Variants in DGLUCY observed in about 807,000 individuals in gnomAD.
DGLUCY encodes D-glutamate cyclase, mitochondrial.
A neutral mutation model predicts 58.5 loss-of-function variants in DGLUCY; 58 were observed. The ratio of observed to expected loss-of-function variants is 0.99; its 90% CI spans 0.80 to 1.23. The LOEUF is 1.23. Among genes scored for constraint, DGLUCY ranks in the 50% most tolerant of loss-of-function variants. The pLI is 0.00. For missense variants in DGLUCY, 779 were observed against 784.7 expected (o/e 0.99, Z 0.09); for synonymous variants, 325 against 314.1 (o/e 1.03, Z -0.37).
intron 1 of DGLUCY, among the ~76,000 whole-genome samples, chr14:91,099,715 A>G (rs1443009977): frequency 6.6e-6 from 1 of 152,176 alleles, no homozygotes; most frequent in Non-Finnish European, 1.5e-5. Flanking sequence ...ATTTTGGGTC[A>G]GTTGGGCTGA....
intron 1 of DGLUCY, among the ~76,000 whole-genome samples, chr14:91,062,590 TATATATATATATATATATATAA>T (rs1185523021): frequency 0.013 from 328 of 24,704 alleles, 15 homozygotes; most frequent in Middle Eastern, 0.029. Context: ...TATATATATA[TATATATATATATATATATATAA>T]ACAATCCTTA....
intron 1 of DGLUCY, among the ~76,000 whole-genome samples, chr14:91,135,713 C>T (rs1230908376): frequency 6.9e-6 from 1 of 144,376 alleles, no homozygotes; most frequent in African/African-American, 2.6e-5. Context: ...TGTTTTTAAC[C>T]TTGCTAGATG....
chr14:91,093,481 A>C (rs74083947), intron 1 of DGLUCY, among the ~76,000 whole-genome samples: 2,675 of 152,306 alleles, frequency 0.018, 61 homozygotes, highest in African/African-American at 0.056. Context: ...AATATGAATG[A>C]ACCTCAAAAC....
chr14:91,138,132 G>A (rs148202512), intron 1 of DGLUCY, among the ~76,000 whole-genome samples: 2 of 152,058 alleles, frequency 1.3e-5, no homozygotes, highest in Non-Finnish European at 2.9e-5. Context: ...TAAATGTTCT[G>A]GGCACTAAGG....
chr14:91,170,203 T>C lies in DGLUCY; in HGVS notation c.456+2T>C, dbSNP rs776555968. ...CACAGCCAGGCGGGTGCATACAAGG[T>C]AGGGACACAGCCCACAGCCCACAAG... On this transcript the variant is annotated splice_donor_variant, in intron 5 of 13. Transcript: ENST00000256324. LOFTEE classifies it high-confidence loss of function. The C allele has an allele frequency of 1.2e-6, 2 of 1,612,696 alleles. No homozygotes were observed. The highest frequency in any genetic ancestry group is 3.3e-5 in the Admixed American group (2 of 59,962).
At chr14:91,189,797 A>C (rs986481040) in intron 9 of DGLUCY, 2 of 154,248 alleles carry the variant, frequency 1.3e-5, no homozygotes, top group Non-Finnish European at 2.9e-5. Flanking sequence ...CTCAAAATGC[A>C]TTCTTCAGAG....
chr14:91,166,383 G>A (rs950410405), intron 3 of DGLUCY, among the ~76,000 whole-genome samples: 1 of 152,204 alleles, frequency 6.6e-6, no homozygotes, highest in Non-Finnish European at 1.5e-5. Context: ...ATTTACATTA[G>A]GCCAGTTGCG....
At chr14:91,208,748 C>A (rs1326682303) in intron 12 of DGLUCY, among the ~76,000 whole-genome samples, 2 of 150,882 alleles carry the variant, frequency 1.3e-5, no homozygotes, top group African/African-American at 4.9e-5. Context: ...GACCCTGTCT[C>A]AAAAAAAATA....
intron 1 of DGLUCY, among the ~76,000 whole-genome samples, chr14:91,142,449 T>C (rs1175934297): frequency 6.6e-6 from 1 of 152,110 alleles, no homozygotes; most frequent in African/African-American, 2.4e-5. Flanking sequence ...GTGGACCAAA[T>C]GCTGGGCTTT....
upstream of DGLUCY, among the ~76,000 whole-genome samples, chr14:91,111,044 T>C (rs1302591936): frequency 6.6e-6 from 1 of 152,132 alleles, no homozygotes; most frequent in Admixed American, 6.6e-5. Context: ...CGTTTTTGTC[T>C]CAGTCTGTTA....
At chr14:91,088,224 A>C (rs1259299486) in intron 1 of DGLUCY, among the ~76,000 whole-genome samples, 1 of 152,186 alleles carries the variant, frequency 6.6e-6, no homozygotes, top group Non-Finnish European at 1.5e-5. Context: ...AGTGACCCTG[A>C]CCTCAAGGAA....
intron 12 of DGLUCY, among the ~76,000 whole-genome samples, chr14:91,206,117 G>C (rs751029525): frequency 1.3e-5 from 2 of 151,892 alleles, no homozygotes; most frequent in Non-Finnish European, 2.9e-5. Flanking sequence ...TGGGATTACA[G>C]GCCTTAAATC....
chr14:91,181,653 T>C (rs8010928), intron 8 of DGLUCY, among the ~76,000 whole-genome samples: 21 of 96,306 alleles, frequency 2.2e-4, no homozygotes, highest in Admixed American at 4.4e-4. Flanking sequence ...TTCTTTCTTT[T>C]GTTTTCTTTC....
intron 1 of DGLUCY, among the ~76,000 whole-genome samples, chr14:91,151,137 A>AG (rs1225208337): frequency 6.6e-6 from 1 of 152,114 alleles, no homozygotes; most frequent in African/African-American, 2.4e-5. Context: ...TGTAGCATGC[A>AG]TCAGAATTTC....
chr14:91,121,412 G>A (rs2045348310), intron 1 of DGLUCY, among the ~76,000 whole-genome samples: 1 of 152,024 alleles, frequency 6.6e-6, no homozygotes, highest in African/African-American at 2.4e-5. Context: ...TTTTTGGCTG[G>A]GCGCAGTGGC....
chr14:91,120,269 C>G (rs1197204948), intron 1 of DGLUCY, among the ~76,000 whole-genome samples: 2 of 152,132 alleles, frequency 1.3e-5, no homozygotes, highest in African/African-American at 4.8e-5. Flanking sequence ...TGGACCTCTG[C>G]CTGGGGCTGT....
At chr14:91,173,603 A>G in intron 6 of DGLUCY, 164 bp downstream of exon 6, 1 of 994,038 alleles carries the variant, frequency 1.0e-6, no homozygotes, top group Non-Finnish European at 1.4e-6. Context: ...GTTGGGCCTA[A>G]GAAGCAGACA....
intron 1 of DGLUCY, among the ~76,000 whole-genome samples, chr14:91,126,818 C>T (rs1214657400): frequency 6.6e-6 from 1 of 152,166 alleles, no homozygotes; most frequent in Non-Finnish European, 1.5e-5. Context: ...GTCATATTCA[C>T]AGGTATGGGG....
At chr14:91,098,859 G>A (rs2044437489) in intron 1 of DGLUCY, among the ~76,000 whole-genome samples, 1 of 152,226 alleles carries the variant, frequency 6.6e-6, no homozygotes, top group African/African-American at 2.4e-5. Flanking sequence ...TTCCTTGTAA[G>A]CGCAGCAACA....
Sources: allele counts gnomAD v4.1 joint callset (sites outside exome capture counted in the v4.1 genomes callset), GRCh38; gene constraint gnomAD v4.1.1; transcripts MANE v1.5; gene names NCBI Gene and HGNC (gene_info 2026-07-23, HGNC 2026-07-21).